Variants in XKR6 observed in about 807,000 individuals in gnomAD.
XKR6 encodes the protein XK related 6.
XKR6 carries 22 observed loss-of-function variants against 56.7 expected under a neutral mutation model. The ratio of observed to expected loss-of-function variants is 0.39; its 90% CI spans 0.28 to 0.55. XKR6 has a LOEUF of 0.55. Among genes scored for constraint, XKR6 ranks in the 20% least tolerant of loss-of-function variants. The pLI, the probability that XKR6 is intolerant of heterozygous loss-of-function variation, is 0.66. For synonymous variants in XKR6, 524 were observed against 387.8 expected (o/e 1.35, Z -4.13); for missense variants, 852 against 889.0 (o/e 0.96, Z 0.53).
At chr8:10,959,007 G>C (rs1586356461) in intron 1 of XKR6, among the ~76,000 whole-genome samples, 1 of 152,226 alleles carries the variant, frequency 6.6e-6, no homozygotes, top group Non-Finnish European at 1.5e-5. Flanking sequence ...TCTGCCCACA[G>C]ACCGGGGGAA....
intron 1 of XKR6, among the ~76,000 whole-genome samples, chr8:11,197,811 G>C (rs1160104055): frequency 1.3e-5 from 2 of 152,210 alleles, no homozygotes; most frequent in African/African-American, 2.4e-5. Flanking sequence ...GGAATGGCAA[G>C]ATGCAGAGAA....
At chr8:10,913,051 T>TAC (rs748925583) in intron 2 of XKR6, among the ~76,000 whole-genome samples, 44 of 150,608 alleles carry the variant, frequency 2.9e-4, no homozygotes, top group Non-Finnish European at 5.6e-4. Context: ...TGTATATATA[T>TAC]ATAGTATATA....
intron 1 of XKR6, among the ~76,000 whole-genome samples, chr8:11,188,500 G>A (rs768295322): frequency 4.7e-4 from 71 of 152,128 alleles, no homozygotes; most frequent in African/African-American, 1.6e-3. Context: ...CCAACCCACA[G>A]CCATATATAC....
At chr8:11,161,222 ATCTC>A (rs1015547355) in intron 1 of XKR6, among the ~76,000 whole-genome samples, 13 of 152,116 alleles carry the variant, frequency 8.5e-5, no homozygotes, top group Admixed American at 3.3e-4. Flanking sequence ...GCTTCCGAGT[ATCTC>A]CCTCCCTCCA....
intron 1 of XKR6, among the ~76,000 whole-genome samples, chr8:11,192,655 G>C (rs1172695280): frequency 1.3e-5 from 2 of 152,050 alleles, no homozygotes; most frequent in Non-Finnish European, 2.9e-5. Context: ...ATGGTAACAG[G>C]TGTTCATTAT....
intron 2 of XKR6, among the ~76,000 whole-genome samples, chr8:10,914,479 G>A (rs755519418): frequency 6.6e-6 from 1 of 152,184 alleles, no homozygotes; most frequent in Non-Finnish European, 1.5e-5. Flanking sequence ...CGAGGTCTCA[G>A]GTTCTTGATG....
At chr8:11,111,968 A>G (rs959772046) in intron 1 of XKR6, 1 of 152,256 alleles carries the variant, frequency 6.6e-6, no homozygotes, top group African/African-American at 2.4e-5. Flanking sequence ...AATTACTTTT[A>G]TAATTTTCAA....
intron 1 of XKR6, among the ~76,000 whole-genome samples, chr8:10,998,101 G>C (rs954065251): frequency 6.6e-6 from 1 of 152,104 alleles, no homozygotes; most frequent in Non-Finnish European, 1.5e-5. Context: ...TCACCCCAGA[G>C]AGGGTCCAGC....
chr8:11,011,755 G>T (rs1207590455), intron 1 of XKR6, among the ~76,000 whole-genome samples: 1 of 152,216 alleles, frequency 6.6e-6, no homozygotes, highest in African/African-American at 2.4e-5. Flanking sequence ...GAAGGAGGAA[G>T]GGAACTGGTT....
At chr8:10,944,452 C>T (rs1177265008) in intron 1 of XKR6, among the ~76,000 whole-genome samples, 2 of 152,166 alleles carry the variant, frequency 1.3e-5, no homozygotes, top group Admixed American at 6.5e-5. Flanking sequence ...ACCCACTGAC[C>T]TTTCGAAAAT....
intron 2 of XKR6, among the ~76,000 whole-genome samples, chr8:10,907,269 C>G (rs778393088): frequency 1.3e-4 from 20 of 152,182 alleles, no homozygotes; most frequent in Non-Finnish European, 2.9e-4. Context: ...GGACAAAAAG[C>G]TCTTTAACGT....
intron 1 of XKR6, among the ~76,000 whole-genome samples, chr8:11,193,656 T>C (rs1031412965): frequency 2.6e-5 from 4 of 151,580 alleles, no homozygotes; most frequent in Non-Finnish European, 2.9e-5. Flanking sequence ...CTAAAAAAAT[T>C]TTTTTTTTAC....
In XKR6 at chr8:10,956,418, C is replaced by A. The variant is rs142672474; in HGVS notation, c.765-31588G>T. Among the ~76,000 whole-genome samples the A allele has an allele frequency of 2.8e-3, 422 of 152,298 alleles. 5 individuals carry two copies. The highest frequency in any genetic ancestry group is 9.9e-3 in the African/African-American group (411 of 41,552). On this transcript the variant is annotated intron_variant, in intron 1 of 2. Coordinates refer to ENST00000416569, the MANE Select transcript of XKR6 (RefSeq NM_173683.4). ...TGCAGGATCTGCCCAACACCCCATA[C>A]AAAGCAGGCACTGCACCTACCCCTT...
At position 11,200,241 on chromosome 8, in the gene XKR6, C is replaced by T. The variant is rs538217167; in HGVS notation, c.764+335G>A. Among the ~76,000 whole-genome samples the T allele has an allele frequency of 6.6e-6, 1 of 152,290 alleles. No homozygotes were observed. The highest frequency in any genetic ancestry group is 6.5e-5 in the Admixed American group (1 of 15,308). ...CGAGCTGGGGTGCAGCCCAGGGCGC[C>T]CGCAGCTGGTTACCTCGGGAGGCAG... On this transcript the variant is annotated intron_variant, in intron 1 of 2. Coordinates refer to ENST00000416569, the MANE Select transcript of XKR6 (RefSeq NM_173683.4). The surrounding 1 kb of genome is among the most constrained non-coding windows in gnomAD (Gnocchi z 6.4).
In XKR6 at chr8:10,924,891, C is replaced by A. The variant is rs560856056; in HGVS notation, c.765-61G>T. The A allele has an allele frequency of 1.6e-4, 248 of 1,524,746 alleles. 2 individuals carry two copies. The highest frequency in any genetic ancestry group is 5.2e-4 in the East Asian group (23 of 44,068). The allele number at this position is 1,524,746 out of a possible 1,614,324, so 94.5% of individuals were successfully genotyped here. A position where few individuals can be genotyped will look rare whatever the true frequency, so the allele number is the denominator to read the frequency against. On this transcript the variant is annotated intron_variant, in intron 1 of 2. Coordinates refer to ENST00000416569, the MANE Select transcript of XKR6 (RefSeq NM_173683.4). ...GGTGGGTGCAGGGGCTCCAGAGGAC[C>A]CTTGCCATCCCCCTAAAACCAAGAG...
intron 1 of XKR6, among the ~76,000 whole-genome samples, chr8:10,989,036 C>G (rs1214575515): frequency 6.6e-6 from 1 of 152,192 alleles, no homozygotes; most frequent in East Asian, 1.9e-4. Context: ...CATAGGCAAG[C>G]TACATGCTTA....
At chr8:11,077,920 G>A (rs558659844) in intron 1 of XKR6, among the ~76,000 whole-genome samples, 2 of 152,214 alleles carry the variant, frequency 1.3e-5, no homozygotes, top group African/African-American at 2.4e-5. Flanking sequence ...GCAGCCTCCC[G>A]GTGTCTACCT....
chr8:11,059,628 G>T (rs191770876), intron 1 of XKR6, among the ~76,000 whole-genome samples: 20,406 of 151,080 alleles, frequency 0.14, 4,343 homozygotes, highest in African/African-American at 0.45. Flanking sequence ...GGCGCGGGGG[G>T]CGCGGGGCGG....
intron 1 of XKR6, among the ~76,000 whole-genome samples, chr8:11,083,238 A>G (rs1797786342): frequency 6.6e-6 from 1 of 152,172 alleles, no homozygotes; most frequent in South Asian, 2.1e-4. Context: ...ACCTAGTCGC[A>G]CCACTTGGAG....
Sources: gnomAD v4.1 joint callset for allele counts (sites outside exome capture counted in the v4.1 genomes callset) on GRCh38, gnomAD v4.1.1 for gene constraint, Gnocchi (gnomAD v3.1) non-coding constraint, MANE v1.5 for transcripts, NCBI Gene and HGNC (gene_info 2026-07-23, HGNC 2026-07-21) for gene names.